RAN: variants seen among roughly 807,000 people sequenced by gnomAD.
The protein encoded by RAN is RAN, member RAS oncogene family.
In RAN, 2 loss-of-function variants were observed where a neutral mutation model predicts 26.8. The observed-to-expected ratio is 0.07, with a 90% CI of 0.03 to 0.23. RAN has a LOEUF of 0.23. RAN is among the 10% of genes least tolerant of loss of function. The pLI is 1.00. For synonymous variants in RAN, 132 were observed against 95.9 expected (o/e 1.38, Z -2.20); for missense variants, 56 against 264.8 (o/e 0.21, Z 5.47).
In RAN at chr12:130,872,494, C is replaced by T. The variant is rs369663350; in HGVS notation, c.-10-90C>T. On this transcript the variant is annotated intron_variant, in intron 1 of 6. Transcript: ENST00000543796. ...CCGCGGGCGGGAGGCCTTTGTGGGG[C>T]GGGCACGTGGGGCGCTGGGGGCGCG... 4 of 983,900 alleles carry T rather than the reference C, an allele frequency of 4.1e-6. No homozygotes were observed. The African/African-American group carries it at 5.1e-5, about 13-fold the overall frequency. 60.9% of individuals were successfully genotyped at this position (983,900 alleles called of 1,614,324 possible). A position where few individuals can be genotyped will look rare whatever the true frequency, so the allele number is the denominator to read the frequency against.
rs1218229967 is a variant in RAN, at chr12:130,877,615, A to G, written c.*1689A>G. ...ACCTGTCTAACGTGGTGTGGGAGAGAATTTACAAGTCCTTTATTGAAAGAA... is the reference window on the plus strand; with the variant it reads ...ACCTGTCTAACGTGGTGTGGGAGAGGATTTACAAGTCCTTTATTGAAAGAA... On this transcript the variant is annotated 3_prime_UTR_variant, in exon 7 of 7. Coordinates refer to ENST00000543796, the MANE Select transcript of RAN (RefSeq NM_006325.5). 1 of 152,240 alleles carries G rather than the reference A, an allele frequency of 6.6e-6. No homozygotes were observed. Among genetic ancestry groups the G allele is most frequent in the Non-Finnish European group, 1.5e-5 (1 of 68,048 alleles). 9.4% of individuals were successfully genotyped at this position (152,240 alleles called of 1,614,324 possible). A position where few individuals can be genotyped will look rare whatever the true frequency, so the allele number is the denominator to read the frequency against.
In RAN at chr12:130,875,928, A is replaced by T. The variant is rs1565956012; in HGVS notation, c.*2A>T. 6 of 1,613,918 alleles carry T rather than the reference A, an allele frequency of 3.7e-6. No homozygotes were observed. In the South Asian group the frequency reaches 6.6e-5, roughly 18 times the overall value. Reference sequence around the variant, plus strand: ...CCGGATGAGGATGATGACCTGTGAGAATGAAGCTGGAGCCCAGCGTCAGAA... The same window carrying T: ...CCGGATGAGGATGATGACCTGTGAGTATGAAGCTGGAGCCCAGCGTCAGAA... On this transcript the variant is annotated 3_prime_UTR_variant, in exon 7 of 7. Transcript: ENST00000543796.
At position 130,874,529 on chromosome 12, in the gene RAN, C is replaced by T; in HGVS notation, c.248-17C>T. ...GCAGTAAACTGAGTGTACTAATTCC[C>T]ACAAATGTTTCTTCAGCCCAGTGTG... On this transcript the variant is annotated splice_polypyrimidine_tract_variant and intron_variant, in intron 4 of 6. Coordinates refer to ENST00000543796, the MANE Select transcript of RAN (RefSeq NM_006325.5). 2 of 1,543,246 alleles carry T rather than the reference C, an allele frequency of 1.3e-6. No individual in the cohort carries two copies. Among genetic ancestry groups the T allele is most frequent in the East Asian group, 2.3e-5 (1 of 44,300 alleles).
chr12:130,873,038 C>T lies in RAN; in HGVS notation c.157C>T (p.His53Tyr). The T allele has an allele frequency of 1.2e-6, 2 of 1,614,170 alleles. No individual in the cohort carries two copies. The highest frequency in any genetic ancestry group is 1.7e-6 in the Non-Finnish European group (2 of 1,180,032). ...TGTTGAGGTTCATCCCCTAGTGTTC[C>T]ACACCAACAGAGGACCTATTAAGTT... Reference protein sequence around the residue: ...LGVEVHPLVFHTNRGPIKFNV... With the variant: ...LGVEVHPLVFYTNRGPIKFNV... Residue 53 changes from histidine to tyrosine, a missense_variant, in exon 4 of 7, where the codon CAC (histidine) becomes TAC (tyrosine). This residue lies in a region of RAN where 39 missense variants were observed against 248.7 expected (regional missense o/e 0.16). Coordinates refer to ENST00000543796, the MANE Select transcript of RAN (RefSeq NM_006325.5).
Position 130,873,028 on chromosome 12 carries a change from C to G in RAN, c.147C>G (p.Pro49=). 3.1e-6 allele frequency: 5 copies of G among 1,614,168 alleles called. No homozygotes were observed. The highest frequency in any genetic ancestry group is 4.2e-6 in the Non-Finnish European group (5 of 1,180,036). ...YVATLGVEVH[P]LVFHTNRGPI... ...CCACCTTGGGTGTTGAGGTTCATCC[C>G]CTAGTGTTCCACACCAACAGAGGAC... Residue 49 remains proline (P), a synonymous_variant, in exon 4 of 7, where the codon CCC becomes CCG. Transcript: ENST00000543796.
At chr12:130,873,219 T>C in intron 4 of RAN, 91 bp downstream of exon 4, 1 of 1,520,686 alleles carries the variant, frequency 6.6e-7, no homozygotes, top group East Asian at 2.3e-5. Context: ...TTCCAACAAA[T>C]AGTGTCATTT....
In RAN at chr12:130,877,620, A is replaced by C. The variant is rs1054012327; in HGVS notation, c.*1694A>C. ...TCTAACGTGGTGTGGGAGAGAATTT[A>C]CAAGTCCTTTATTGAAAGAATAATT... is the stretch of plus-strand genomic sequence containing the variant. On this transcript the variant is annotated 3_prime_UTR_variant, in exon 7 of 7. Transcript: ENST00000543796. 7 of 152,252 alleles carry C rather than the reference A, an allele frequency of 4.6e-5. No homozygotes were observed. Among genetic ancestry groups the C allele is most frequent in the African/African-American group, 1.7e-4 (7 of 41,458 alleles). 9.4% of individuals were successfully genotyped at this position (152,252 alleles called of 1,614,324 possible).
intron 4 of RAN, chr12:130,874,323 G>T: frequency 2.1e-6 from 1 of 467,856 alleles, no homozygotes; most frequent in Admixed American, 4.0e-5. Context: ...AGTATTAATG[G>T]TGAAGTATAT....
Position 130,872,575 on chromosome 12 carries a change from C to T in RAN, c.-10-9C>T, listed in dbSNP as rs1313455568. The T allele has an allele frequency of 1.1e-5, 17 of 1,506,318 alleles. No individual in the cohort carries two copies. In the East Asian group the frequency reaches 1.7e-4, roughly 15 times the overall value. The allele number at this position is 1,506,318 out of a possible 1,614,324, so 93.3% of individuals were successfully genotyped here. ...CGCGAGCGCTCGCCTCCGTCCTCTG[C>T]CTCCGCAGGAACGCCGCGATGGCTG... On this transcript the variant is annotated splice_polypyrimidine_tract_variant and intron_variant, in intron 1 of 6. Coordinates refer to ENST00000543796, the MANE Select transcript of RAN (RefSeq NM_006325.5).
intron 1 of RAN, 65 bp from the exon 2 acceptor site, chr12:130,872,519 G>GGGAGCGGGGCCGCC: frequency 8.2e-7 from 1 of 1,222,042 alleles, no homozygotes; most frequent in Non-Finnish European, 1.0e-6. Context: ...CTGGGGGCGC[G>GGGAGCGGGGCCGCC]GGAGCGGGGC....
At chr12:130,872,739 T>A (rs1012997886) in intron 2 of RAN, 97 bp from the exon 3 acceptor site, 95 of 1,567,832 alleles carry the variant, frequency 6.1e-5, no homozygotes, top group Non-Finnish European at 8.3e-5. Context: ...CCACATTCTT[T>A]GTTTTAAGTG....
Position 130,876,599 on chromosome 12 carries a change from CCT to C in RAN, c.*674_*675del, listed in dbSNP as rs1277588318. ...GGAAGCACTTGCTCAAAATCTGTGA[CCT>C]GTCAGAATAAAAATGTGGTTTGTAC... On this transcript the variant is annotated 3_prime_UTR_variant, in exon 7 of 7. Coordinates refer to ENST00000543796, the MANE Select transcript of RAN (RefSeq NM_006325.5). 1 of 152,220 alleles carries C rather than the reference CCT, an allele frequency of 6.6e-6. No individual in the cohort carries two copies. The highest frequency in any genetic ancestry group is 1.5e-5 in the Non-Finnish European group (1 of 68,150). 9.4% of individuals were successfully genotyped at this position (152,220 alleles called of 1,614,324 possible).
At position 130,876,840 on chromosome 12, in the gene RAN, A is replaced by G. The variant is rs962661955; in HGVS notation, c.*914A>G. 9 of 152,184 alleles carry G rather than the reference A, an allele frequency of 5.9e-5. No homozygotes were observed. The highest frequency in any genetic ancestry group is 2.2e-4 in the African/African-American group (9 of 41,442). 9.4% of individuals were successfully genotyped at this position (152,184 alleles called of 1,614,324 possible). A position where few individuals can be genotyped will look rare whatever the true frequency, so the allele number is the denominator to read the frequency against. ...CAAGGAAAATGGTCCATGTTTACCC[A>G]CAGTTTTCAGGTACTCCTAGACTTT... is the stretch of plus-strand genomic sequence containing the variant. On this transcript the variant is annotated 3_prime_UTR_variant, in exon 7 of 7. Transcript: ENST00000543796.
intron 2 of RAN, 72 bp from the exon 3 acceptor site, chr12:130,872,764 A>T (rs577878412): frequency 8.2e-6 from 13 of 1,591,850 alleles, no homozygotes; most frequent in Non-Finnish European, 1.1e-5. Context: ...TGTGGTGGTT[A>T]AAGTTCCGTG....
chr12:130,874,455 C>A, intron 4 of RAN, 91 bp from the exon 5 acceptor site: 1 of 1,060,430 alleles, frequency 9.4e-7, no homozygotes, highest in Non-Finnish European at 1.4e-6. Context: ...AGGTCTAAGA[C>A]TATAACTAGT....
In RAN at chr12:130,873,192, A is replaced by T. The variant is rs1170702739; in HGVS notation, c.247+64A>T. 11 of 1,601,826 alleles carry T rather than the reference A, an allele frequency of 6.9e-6. No homozygotes were observed. In the East Asian group the frequency reaches 2.2e-4, roughly 33 times the overall value. ...TTTGTGTACTTCAGTCTTCAAGGTT[A>T]TAGAAAATCAGGTCTGTTCCAACAA... On this transcript the variant is annotated intron_variant, in intron 4 of 6. Coordinates refer to ENST00000543796, the MANE Select transcript of RAN (RefSeq NM_006325.5).
In RAN at chr12:130,872,566, C is replaced by G; in HGVS notation, c.-10-18C>G. 3 of 1,490,500 alleles carry G rather than the reference C, an allele frequency of 2.0e-6. No homozygotes were observed. The highest frequency in any genetic ancestry group is 2.7e-5 in the Admixed American group (1 of 36,648). The allele number at this position is 1,490,500 out of a possible 1,614,324, so 92.3% of individuals were successfully genotyped here. On this transcript the variant is annotated intron_variant, in intron 1 of 6. Transcript: ENST00000543796. ...GCGGGGCCGCGCGAGCGCTCGCCTC[C>G]GTCCTCTGCCTCCGCAGGAACGCCG... is the stretch of plus-strand genomic sequence containing the variant.
rs1228591046 is a variant in RAN at position 130,874,646 on chromosome 12, C to T, written c.348C>T (p.Pro116=). Residue 116 remains proline, a synonymous_variant, in exon 5 of 7, where the codon CCC becomes CCT. Coordinates refer to ENST00000543796, the MANE Select transcript of RAN (RefSeq NM_006325.5). ...RDLVRVCENI[P]IVLCGNKVDI... is the part of the protein sequence containing the mutation. ...TGGTACGAGTGTGTGAAAACATCCC[C>T]ATTGTGTTGTGTGGCAACAAAGTGG... is the stretch of plus-strand genomic sequence containing the variant. 1 of 1,612,862 alleles carries T rather than the reference C, an allele frequency of 6.2e-7. No homozygotes were observed. The highest frequency in any genetic ancestry group is 1.3e-5 in the African/African-American group (1 of 74,878).
Position 130,876,027 on chromosome 12 carries a change from A to G in RAN, c.*101A>G. 1 of 1,222,048 alleles carries G rather than the reference A, an allele frequency of 8.2e-7. No homozygotes were observed. The allele number at this position is 1,222,048 out of a possible 1,614,324, so 75.7% of individuals were successfully genotyped here. A position where few individuals can be genotyped will look rare whatever the true frequency, so the allele number is the denominator to read the frequency against. On this transcript the variant is annotated 3_prime_UTR_variant, in exon 7 of 7. Coordinates refer to ENST00000543796, the MANE Select transcript of RAN (RefSeq NM_006325.5). ...GTGCCACCTCATTATTATCTAGCTA[A>G]GCGGAACATGTGCTTCATCTGTGGG...
Sources: gnomAD v4.1 joint callset for allele counts on GRCh38, gnomAD v4.1.1 for gene constraint, gnomAD v4.1.1 regional missense constraint, MANE v1.5 for transcripts, NCBI Gene and HGNC (gene_info 2026-07-23, HGNC 2026-07-21) for gene names.